Variants in BAHD1 observed in about 807,000 individuals in gnomAD.
BAHD1 encodes bromo adjacent homology domain-containing 1 protein.
In BAHD1, 20 loss-of-function variants were observed where a neutral mutation model predicts 63.1. The ratio of observed to expected loss-of-function variants is 0.32; its 90% confidence interval spans 0.22 to 0.46. The LOEUF (loss-of-function observed/expected upper bound fraction) is 0.46, where lower values mean the gene tolerates loss of function less well. BAHD1 is among the 20% of genes least tolerant of loss of function. The probability of loss-of-function intolerance (pLI) is 1.00; values close to 1 mark genes in which losing one functional copy is unlikely to be tolerated. For missense variants in BAHD1, 939 were observed against 1,071.8 expected (o/e 0.88, Z 1.73); for synonymous variants, 408 against 426.8 (o/e 0.96, Z 0.54).
chr15:40,445,965 T>C (rs1893529650), intron 1 of BAHD1, among the ~76,000 whole-genome samples: 2 of 152,196 alleles, frequency 1.3e-5, no homozygotes, highest in African/African-American at 4.8e-5. Flanking sequence ...CTGTTAACCC[T>C]GAAGTGACAG....
intron 1 of BAHD1, among the ~76,000 whole-genome samples, chr15:40,442,059 C>T (rs1893419361): frequency 1.3e-5 from 2 of 152,156 alleles, no homozygotes; most frequent in African/African-American, 2.4e-5. Flanking sequence ...GTCAGACCGC[C>T]TCCAAGTGAC....
chr15:40,449,814 C>CAAAAAA (rs1053414532), intron 1 of BAHD1, among the ~76,000 whole-genome samples: 7 of 54,930 alleles, frequency 1.3e-4, no homozygotes, highest in Admixed American at 2.0e-4. Context: ...GACCCTGTCT[C>CAAAAAA]AAAAAAAAAA....
At chr15:40,438,522 C>T (rs1261642319), upstream of BAHD1, among the ~76,000 whole-genome samples, 2 of 151,946 alleles carry the variant, frequency 1.3e-5, no homozygotes, top group Non-Finnish European at 2.9e-5. Context: ...GACACCGCCA[C>T]CCACACTGGA....
rs73389004 is a variant in BAHD1 at position 40,462,795 on chromosome 15, C to T, written c.1815+501C>T. ...ATCGCATGAGGCCAGGAGTTCAAGACGAGCCTGAGCAATATAGACCTCATC... is the reference window on the plus strand; with the variant it reads ...ATCGCATGAGGCCAGGAGTTCAAGATGAGCCTGAGCAATATAGACCTCATC... On this transcript the variant is annotated intron_variant, in intron 3 of 6. Transcript: ENST00000416165. Among the ~76,000 whole-genome samples the T allele has an allele frequency of 1.6e-3, 240 of 152,120 alleles. 2 individuals are homozygous for T. The highest frequency in any genetic ancestry group is 5.7e-3 in the African/African-American group (236 of 41,506).
At chr15:40,451,969 G>A (rs564025955) in intron 1 of BAHD1, among the ~76,000 whole-genome samples, 121 of 152,316 alleles carry the variant, frequency 7.9e-4, no homozygotes, top group African/African-American at 2.9e-3. Flanking sequence ...GCAGAACACT[G>A]GTATGATTAA....
chr15:40,455,293 A>AC (rs2141508048), intron 1 of BAHD1, among the ~76,000 whole-genome samples: 1 of 152,032 alleles, frequency 6.6e-6, no homozygotes, highest in South Asian at 2.1e-4. Context: ...TCAGCACCCT[A>AC]CCCCCCAGGG....
At chr15:40,448,863 G>A (rs1268600827) in intron 1 of BAHD1, among the ~76,000 whole-genome samples, 1 of 145,488 alleles carries the variant, frequency 6.9e-6, no homozygotes, top group East Asian at 2.0e-4. Context: ...TGAGACGGAG[G>A]TTCACTCTTG....
At chr15:40,439,426 C>T (rs747685850), upstream of BAHD1, among the ~76,000 whole-genome samples, 7 of 152,156 alleles carry the variant, frequency 4.6e-5, no homozygotes, top group Non-Finnish European at 8.8e-5. Flanking sequence ...CCTGGGTGAG[C>T]GCTGGAGTCC....
chr15:40,437,803 G>A (rs999844035), upstream of BAHD1, among the ~76,000 whole-genome samples: 7 of 152,318 alleles, frequency 4.6e-5, no homozygotes, highest in African/African-American at 1.7e-4. Context: ...GCGGGCAGTG[G>A]CGGGGAGGTG....
At chr15:40,445,827 C>T (rs1231979242) in intron 1 of BAHD1, among the ~76,000 whole-genome samples, 1 of 152,220 alleles carries the variant, frequency 6.6e-6, no homozygotes, top group Admixed American at 6.5e-5. Flanking sequence ...CCTTTGTGAA[C>T]TTGCCATTGT....
At chr15:40,455,880 C>T (rs988498496) in intron 1 of BAHD1, among the ~76,000 whole-genome samples, 1 of 152,240 alleles carries the variant, frequency 6.6e-6, no homozygotes, top group African/African-American at 2.4e-5. Flanking sequence ...TGTGCTTCTG[C>T]TGCTTCTCGT....
Position 40,465,320 on chromosome 15 carries a change from C to G in BAHD1, c.2053-15C>G. The G allele has an allele frequency of 6.2e-7, 1 of 1,612,836 alleles. No homozygotes were observed. The highest frequency in any genetic ancestry group is 8.5e-7 in the Non-Finnish European group (1 of 1,178,806). Reference sequence around the variant, plus strand: ...TTCCAGCCCTGGTAACAACCTCCACCTGTCTCCCTTTGAGCCCTTGCAGAA... The same window carrying G: ...TTCCAGCCCTGGTAACAACCTCCACGTGTCTCCCTTTGAGCCCTTGCAGAA... On this transcript the variant is annotated splice_polypyrimidine_tract_variant and intron_variant, in intron 5 of 6. Transcript: ENST00000416165.
chr15:40,452,142 T>C (rs962479563), intron 1 of BAHD1, among the ~76,000 whole-genome samples: 1 of 152,232 alleles, frequency 6.6e-6, no homozygotes, highest in Middle Eastern at 3.2e-3. Flanking sequence ...TCAGGCCAAT[T>C]CCTTTCAGCT....
Position 40,466,266 on chromosome 15 carries a change from G to A in BAHD1, c.*136G>A. On this transcript the variant is annotated 3_prime_UTR_variant, in exon 7 of 7. Transcript: ENST00000416165. ...GCCTGTGGTTTTCTTGGGGGGGAGG[G>A]CAGGGGCCCCTGTGGGTTCTGGGCT... is the stretch of plus-strand genomic sequence containing the variant. 2 of 654,614 alleles carry A rather than the reference G, an allele frequency of 3.1e-6. No individual in the cohort carries two copies. The highest frequency in any genetic ancestry group is 2.0e-5 in the South Asian group (1 of 51,102). The allele number at this position is 654,614 out of a possible 1,614,324, so 40.6% of individuals were successfully genotyped here.
At chr15:40,462,547 G>C (rs1166046542) in intron 3 of BAHD1, among the ~76,000 whole-genome samples, 1 of 152,112 alleles carries the variant, frequency 6.6e-6, no homozygotes, top group East Asian at 1.9e-4. Flanking sequence ...TGCCATCTCG[G>C]TGAGTGTCTT....
intron 1 of BAHD1, among the ~76,000 whole-genome samples, chr15:40,449,032 C>T (rs1433702957): frequency 6.6e-6 from 1 of 151,906 alleles, no homozygotes. Flanking sequence ...GTCAGGCTGG[C>T]CTTGAACTCC....
rs1411126331 is a variant in BAHD1 at position 40,466,820 on chromosome 15, C to G, written c.*690C>G. ...TCTCCTGTCCACCTCCCAGAGACGGCCACCCAGCGGGTCTGGCTTCCCAGA... is the reference window on the plus strand; with the variant it reads ...TCTCCTGTCCACCTCCCAGAGACGGGCACCCAGCGGGTCTGGCTTCCCAGA... On this transcript the variant is annotated 3_prime_UTR_variant, in exon 7 of 7. Coordinates refer to ENST00000416165, the MANE Select transcript of BAHD1 (RefSeq NM_014952.5). The G allele has an allele frequency of 6.6e-6, 1 of 152,354 alleles. No homozygotes were observed. Among genetic ancestry groups the G allele is most frequent in the Non-Finnish European group, 1.5e-5 (1 of 68,076 alleles). 9.4% of individuals were successfully genotyped at this position (152,354 alleles called of 1,614,324 possible). A position where few individuals can be genotyped will look rare whatever the true frequency, so the allele number is the denominator to read the frequency against.
rs1205941509 is a variant in BAHD1, at chr15:40,466,891, T to C, written c.*761T>C. ...GGTTTGTCATATCTGGGAGGGAAGA[T>C]GGGTGCTGGGAGAGGGTTGGGGGCA... On this transcript the variant is annotated 3_prime_UTR_variant, in exon 7 of 7. Coordinates refer to ENST00000416165, the MANE Select transcript of BAHD1 (RefSeq NM_014952.5). 2 of 152,342 alleles carry C rather than the reference T, an allele frequency of 1.3e-5. No individual in the cohort carries two copies. The highest frequency in any genetic ancestry group is 2.4e-5 in the African/African-American group (1 of 41,390). The allele number at this position is 152,342 out of a possible 1,614,324, so 9.4% of individuals were successfully genotyped here.
intron 1 of BAHD1, among the ~76,000 whole-genome samples, chr15:40,447,590 A>C (rs1207400214): frequency 6.6e-6 from 1 of 150,574 alleles, no homozygotes; most frequent in African/African-American, 2.4e-5. Flanking sequence ...AAATAAATAA[A>C]TAAATAAATA....
Sources: gnomAD v4.1 joint callset for allele counts (sites outside exome capture counted in the v4.1 genomes callset) on GRCh38, gnomAD v4.1.1 for gene constraint, MANE v1.5 for transcripts, NCBI Gene and HGNC (gene_info 2026-07-23, HGNC 2026-07-21) for gene names.